Variants in DMXL2 observed in about 807,000 individuals in gnomAD.
DMXL2 encodes Dmx like 2.
Under a neutral mutation model 331.1 loss-of-function variants are expected in DMXL2, and 103 were observed. The ratio of observed to expected loss-of-function variants is 0.31; its 90% CI spans 0.27 to 0.37. DMXL2 has a LOEUF of 0.37. DMXL2 is among the 10% of genes least tolerant of loss of function. The pLI is 1.00. For missense variants in DMXL2, 3,171 were observed against 3,642.9 expected (o/e 0.87, Z 3.33); for synonymous variants, 1,281 against 1,252.1 (o/e 1.02, Z -0.49).
At chr15:51,537,409 A>C in intron 11 of DMXL2, 79 bp downstream of exon 11, 1 of 1,413,832 alleles carries the variant, frequency 7.1e-7, no homozygotes, top group Non-Finnish European at 9.4e-7. Flanking sequence ...TAATTCTAAA[A>C]ACATGCTAAC....
At chr15:51,513,549 T>G (rs923476190) in intron 15 of DMXL2, among the ~76,000 whole-genome samples, 1 of 152,176 alleles carries the variant, frequency 6.6e-6, no homozygotes, top group Non-Finnish European at 1.5e-5. Flanking sequence ...AGGACCTCAA[T>G]CTGATTTTCA....
At chr15:51,589,041 T>C (rs2052084711) in intron 1 of DMXL2, among the ~76,000 whole-genome samples, 1 of 152,162 alleles carries the variant, frequency 6.6e-6, no homozygotes. Context: ...TCCTCACAGA[T>C]GGCAGAATTA....
chr15:51,561,331 G>A (rs1330465205), intron 6 of DMXL2, among the ~76,000 whole-genome samples: 1 of 152,218 alleles, frequency 6.6e-6, no homozygotes, highest in Non-Finnish European at 1.5e-5. Flanking sequence ...GAGTGCAGGA[G>A]AGTAGTCTTC....
At chr15:51,552,752 C>T (rs1433841912) in intron 6 of DMXL2, among the ~76,000 whole-genome samples, 6 of 152,168 alleles carry the variant, frequency 3.9e-5, no homozygotes, top group African/African-American at 7.2e-5. Flanking sequence ...CTAATACACA[C>T]GTTCTCCCTA....
At chr15:51,569,671 T>C (rs1596293531) in intron 2 of DMXL2, among the ~76,000 whole-genome samples, 1 of 152,166 alleles carries the variant, frequency 6.6e-6, no homozygotes. Context: ...CCTCCGCTGG[T>C]GATACCCAGG....
intron 23 of DMXL2, among the ~76,000 whole-genome samples, chr15:51,481,877 G>C (rs1001008470): frequency 9.9e-5 from 15 of 152,132 alleles, no homozygotes; most frequent in African/African-American, 3.6e-4. Flanking sequence ...GATGCAGAAA[G>C]TACATGTAGT....
At chr15:51,612,975 G>A (rs546268848) in intron 1 of DMXL2, among the ~76,000 whole-genome samples, 51 of 152,232 alleles carry the variant, frequency 3.4e-4, no homozygotes, top group African/African-American at 1.1e-3. Context: ...AGAATTCAGC[G>A]ATATTTCTCC....
intron 29 of DMXL2, 43 bp downstream of exon 29, chr15:51,471,180 A>G: frequency 6.4e-7 from 1 of 1,561,846 alleles, no homozygotes; most frequent in Non-Finnish European, 8.7e-7. Context: ...AATAAAATAG[A>G]TGATAGACTT....
intron 1 of DMXL2, among the ~76,000 whole-genome samples, chr15:51,595,828 C>A (rs1251936998): frequency 4.6e-5 from 7 of 152,232 alleles, no homozygotes; most frequent in Non-Finnish European, 5.9e-5. Context: ...GAAAGGATTT[C>A]TTATTTAATA....
intron 6 of DMXL2, among the ~76,000 whole-genome samples, chr15:51,562,772 A>T (rs1174484652): frequency 6.6e-6 from 1 of 152,218 alleles, no homozygotes; most frequent in Non-Finnish European, 1.5e-5. Flanking sequence ...ATCATGAGAT[A>T]CCTACATCAG....
At chr15:51,467,305 T>A (rs2040672175) in intron 29 of DMXL2, among the ~76,000 whole-genome samples, 1 of 152,140 alleles carries the variant, frequency 6.6e-6, no homozygotes, top group Non-Finnish European at 1.5e-5. Flanking sequence ...CTTTTTAAAA[T>A]TTCTGTGCAT....
intron 23 of DMXL2, among the ~76,000 whole-genome samples, chr15:51,485,592 T>C (rs1273143926): frequency 6.6e-6 from 1 of 152,234 alleles, no homozygotes; most frequent in African/African-American, 2.4e-5. Flanking sequence ...ACTGTTTCTA[T>C]ATGTGGATAT....
At chr15:51,548,440 T>C (rs952422553) in intron 6 of DMXL2, among the ~76,000 whole-genome samples, 2 of 152,164 alleles carry the variant, frequency 1.3e-5, no homozygotes, top group African/African-American at 4.8e-5. Context: ...GCAAATCTTT[T>C]AAGTGTTTGC....
chr15:51,453,251 G>A (rs2039315590), intron 41 of DMXL2: 1 of 218,836 alleles, frequency 4.6e-6, no homozygotes, highest in Non-Finnish European at 8.9e-6. Flanking sequence ...TAAAAATGTT[G>A]AGAATGATGG....
rs144131327 is a variant in DMXL2, at chr15:51,597,929, G to C, written c.88-21748C>G. ...TTTTCAAATATTTACCGGTCATTTAGATTTTCTCTTGTGACGCACCTGTTC... is the reference window on the plus strand; with the variant it reads ...TTTTCAAATATTTACCGGTCATTTACATTTTCTCTTGTGACGCACCTGTTC... On this transcript the variant is annotated intron_variant, in intron 1 of 43. Transcript: ENST00000560891. Among the ~76,000 whole-genome samples the C allele has an allele frequency of 3.6e-3, 544 of 152,216 alleles. 5 individuals are homozygous for C. Among genetic ancestry groups the C allele is most frequent in the Middle Eastern group, 6.8e-3 (2 of 294 alleles).
At chr15:51,505,900 G>A (rs939927191) in intron 16 of DMXL2, among the ~76,000 whole-genome samples, 6 of 152,056 alleles carry the variant, frequency 3.9e-5, no homozygotes, top group Non-Finnish European at 7.3e-5. Context: ...GGCTATCCAT[G>A]CAGTTCTTCA....
chr15:51,586,121 T>A (rs755852871), intron 1 of DMXL2, among the ~76,000 whole-genome samples: 2 of 151,984 alleles, frequency 1.3e-5, no homozygotes, highest in African/African-American at 2.4e-5. Context: ...GCAAAATAAA[T>A]ACATGAAAAA....
intron 33 of DMXL2, among the ~76,000 whole-genome samples, chr15:51,462,259 C>T (rs937123760): frequency 3.3e-5 from 5 of 151,884 alleles, no homozygotes; most frequent in African/African-American, 4.8e-5. Context: ...GAAATTGAGC[C>T]GTATGGACTC....
intron 1 of DMXL2, among the ~76,000 whole-genome samples, chr15:51,576,420 T>A (rs192480290): frequency 5.3e-5 from 8 of 152,144 alleles, no homozygotes; most frequent in Non-Finnish European, 1.2e-4. Context: ...GGAAAAGGGT[T>A]CTTCCAGTTC....
Sources: allele counts gnomAD v4.1 joint callset (sites outside exome capture counted in the v4.1 genomes callset), GRCh38; gene constraint gnomAD v4.1.1; transcripts MANE v1.5; gene names NCBI Gene and HGNC (gene_info 2026-07-23, HGNC 2026-07-21).